Variants in VAMP4 observed in about 807,000 individuals in gnomAD.
The protein encoded by VAMP4 is vesicle-associated membrane protein 4.
A neutral mutation model predicts 23.5 loss-of-function variants in VAMP4; 19 were observed. The observed-to-expected ratio is 0.81, with a 90% CI of 0.56 to 1.19. The LOEUF (loss-of-function observed/expected upper bound fraction) is 1.19, where lower values mean the gene tolerates loss of function less well. VAMP4 is among the 50% of genes most tolerant of loss of function. VAMP4 has a pLI of 0.00. For missense variants in VAMP4, 145 were observed against 168.6 expected, an observed-to-expected ratio of 0.86 and a Z score of 0.78; for synonymous variants, 31 against 51.0, an observed-to-expected ratio of 0.61 and a Z score of 1.67.
chr1:171,719,668 C>T (rs1655126478), intron 3 of VAMP4, among the ~76,000 whole-genome samples: 1 of 151,946 alleles, frequency 6.6e-6, no homozygotes, highest in Non-Finnish European at 1.5e-5. Context: ...TGCCGATTGA[C>T]AAAGATGGAT....
chr1:171,735,211 T>G (rs1018573172), intron 2 of VAMP4, among the ~76,000 whole-genome samples: 4 of 152,238 alleles, frequency 2.6e-5, no homozygotes, highest in African/African-American at 9.6e-5. Context: ...CAGCAGTGAT[T>G]GTGAGAAAGA....
At chr1:171,708,876 G>GACA (rs1400203739) in intron 6 of VAMP4, among the ~76,000 whole-genome samples, 1 of 84,214 alleles carries the variant, frequency 1.2e-5, no homozygotes, top group Non-Finnish European at 2.4e-5. Flanking sequence ...CTATCTCAAA[G>GACA]AAAAAAAAAA....
At chr1:171,729,702 C>T (rs992067723) in intron 2 of VAMP4, among the ~76,000 whole-genome samples, 17 of 152,146 alleles carry the variant, frequency 1.1e-4, no homozygotes, top group African/African-American at 3.9e-4. Flanking sequence ...CTCTGCTGCA[C>T]AGGCTGGAGT....
intron 2 of VAMP4, among the ~76,000 whole-genome samples, chr1:171,736,037 C>A (rs1655730927): frequency 6.6e-6 from 1 of 152,142 alleles, no homozygotes; most frequent in African/African-American, 2.4e-5. Context: ...CAGGTGTGCA[C>A]CACCGCACCT....
At chr1:171,722,368 C>T (rs1655223535) in intron 3 of VAMP4, among the ~76,000 whole-genome samples, 1 of 152,152 alleles carries the variant, frequency 6.6e-6, no homozygotes, top group Non-Finnish European at 1.5e-5. Context: ...GAATAAAACA[C>T]CAAAAGCAAT....
At chr1:171,722,324 T>C (rs1413771470) in intron 3 of VAMP4, among the ~76,000 whole-genome samples, 2 of 152,038 alleles carry the variant, frequency 1.3e-5, no homozygotes, top group African/African-American at 2.4e-5. Context: ...CTAGGCAATA[T>C]CATTCAGGAC....
At chr1:171,730,416 C>A (rs1469700962) in intron 2 of VAMP4, among the ~76,000 whole-genome samples, 4 of 151,948 alleles carry the variant, frequency 2.6e-5, no homozygotes, top group African/African-American at 9.7e-5. Flanking sequence ...TAAGTTAAAG[C>A]TTTTGAAAAA....
At chr1:171,730,619 G>C (rs949511226) in intron 2 of VAMP4, among the ~76,000 whole-genome samples, 2 of 151,744 alleles carry the variant, frequency 1.3e-5, no homozygotes, top group African/African-American at 4.8e-5. Context: ...TTAGTTTTTG[G>C]TATGTTGACA....
At chr1:171,706,241 G>C (rs1338148863) in intron 7 of VAMP4, 126 bp downstream of exon 7, 1 of 779,776 alleles carries the variant, frequency 1.3e-6, no homozygotes, top group African/African-American at 1.8e-5. Flanking sequence ...GAGCTCCTGA[G>C]ACAGGTCAGA....
Position 171,701,394 on chromosome 1 carries a change from T to C in VAMP4, c.*3112A>G, listed in dbSNP as rs564546501. On this transcript the variant is annotated 3_prime_UTR_variant, in exon 8 of 8. Coordinates refer to ENST00000236192, the MANE Select transcript of VAMP4 (RefSeq NM_003762.5). ...TTTCTAATCATAGTGTATATACAGA[T>C]GTAAATACAGAGTCAATGTGTGCAA... The C allele has an allele frequency of 6.6e-6, 1 of 152,200 alleles. No individual in the cohort carries two copies. Among genetic ancestry groups the C allele is most frequent in the Non-Finnish European group, 1.5e-5 (1 of 68,016 alleles). The allele number at this position is 152,200 out of a possible 1,614,324, so 9.4% of individuals were successfully genotyped here.
intron 2 of VAMP4, 95 bp from the exon 3 acceptor site, chr1:171,728,665 T>G: frequency 8.2e-7 from 1 of 1,220,640 alleles, no homozygotes; most frequent in Non-Finnish European, 1.1e-6. Context: ...CTAGTGAAAT[T>G]TCTTAACTCC....
chr1:171,725,516 C>T (rs935832355), intron 3 of VAMP4, among the ~76,000 whole-genome samples: 1 of 152,132 alleles, frequency 6.6e-6, no homozygotes, highest in African/African-American at 2.4e-5. Flanking sequence ...TAAGGCTTTT[C>T]ACCACAAGTA....
chr1:171,713,613 C>T (rs1263561467), intron 4 of VAMP4, among the ~76,000 whole-genome samples: 1 of 151,922 alleles, frequency 6.6e-6, no homozygotes, highest in Non-Finnish European at 1.5e-5. Context: ...TGGAAGGATC[C>T]CCTGAGCCTG....
At position 171,710,726 on chromosome 1, in the gene VAMP4, G is replaced by T; in HGVS notation, c.253C>A (p.Gln85Lys). 2 of 1,604,648 alleles carry T rather than the reference G, an allele frequency of 1.2e-6. No individual in the cohort carries two copies. The highest frequency in any genetic ancestry group is 1.7e-6 in the Non-Finnish European group (2 of 1,174,746). ...IERGERLDEL[Q>K]DKSESLSDNA... ...TGAAGATCTGTACCTGATTTGTCCT[G>T]TAGTTCATCTAGTCTCTCCCCTCTC... The change falls in exon 5 of 8, where the codon CAG becomes AAG. Residue 85 changes from glutamine (Q) to lysine (K), a missense_variant. Coordinates refer to ENST00000236192, the MANE Select transcript of VAMP4 (RefSeq NM_003762.5).
At chr1:171,707,422 A>G (rs1393411599) in intron 6 of VAMP4, among the ~76,000 whole-genome samples, 1 of 152,084 alleles carries the variant, frequency 6.6e-6, no homozygotes, top group Non-Finnish European at 1.5e-5. Context: ...TTTCCTCATG[A>G]CCTGTTGTGA....
At chr1:171,721,495 G>A (rs1302762516) in intron 3 of VAMP4, among the ~76,000 whole-genome samples, 1 of 152,088 alleles carries the variant, frequency 6.6e-6, no homozygotes, top group Admixed American at 6.5e-5. Flanking sequence ...ATTTATACTA[G>A]CAATAAGTAT....
At chr1:171,710,972 T>C (rs1654830123) in intron 4 of VAMP4, among the ~76,000 whole-genome samples, 158 bp from the exon 5 acceptor site, 1 of 152,116 alleles carries the variant, frequency 6.6e-6, no homozygotes, top group African/African-American at 2.4e-5. Flanking sequence ...CTTCCATTTG[T>C]GGGCTTCAGT....
chr1:171,726,801 A>T (rs1655383645), intron 3 of VAMP4, among the ~76,000 whole-genome samples: 1 of 152,216 alleles, frequency 6.6e-6, no homozygotes, highest in African/African-American at 2.4e-5. Context: ...AGGAAAAAAA[A>T]TTCAATAAAC....
chr1:171,727,146 G>A (rs577599356), intron 3 of VAMP4, among the ~76,000 whole-genome samples: 2 of 147,324 alleles, frequency 1.4e-5, no homozygotes, highest in African/African-American at 5.0e-5. Context: ...AGGCTGAGGC[G>A]AGAAGATCAT....
Sources: gnomAD v4.1 joint callset for allele counts (sites outside exome capture counted in the v4.1 genomes callset) on GRCh38, gnomAD v4.1.1 for gene constraint, MANE v1.5 for transcripts, NCBI Gene and HGNC (gene_info 2026-07-23, HGNC 2026-07-21) for gene names.